Variants in TRIO observed in about 807,000 individuals in gnomAD.
The protein encoded by TRIO is triple functional domain protein.
A neutral mutation model predicts 351.9 loss-of-function variants in TRIO; 58 were observed. The observed-to-expected ratio is 0.16, with a 90% CI of 0.13 to 0.21. The LOEUF (loss-of-function observed/expected upper bound fraction) is 0.21, where lower values mean the gene tolerates loss of function less well. Ranked by LOEUF, TRIO falls within the 10% of genes least tolerant of loss-of-function variation. The pLI is 1.00. For synonymous variants in TRIO, 1,758 were observed against 1,595.7 expected (o/e 1.10, Z -2.42); for missense variants, 3,201 against 4,027.8 (o/e 0.79, Z 5.56).
Position 14,152,662 on chromosome 5 carries a change from G to A in TRIO, c.157+8780G>A, listed in dbSNP as rs556355494. 7.9e-5 allele frequency among the ~76,000 whole-genome samples: 12 copies of A among 152,304 alleles called. No individual in the cohort carries two copies. The East Asian group carries it at 1.2e-3, about 15-fold the overall frequency. ...TGGGATTACAGGCGTGAGCCACTGCGTCCGTATTTCACGCTTTTTAAGAGT... is the reference window on the plus strand; with the variant it reads ...TGGGATTACAGGCGTGAGCCACTGCATCCGTATTTCACGCTTTTTAAGAGT... On this transcript the variant is annotated intron_variant, in intron 1 of 56. Coordinates refer to ENST00000344204, the MANE Select transcript of TRIO (RefSeq NM_007118.4).
intron 21 of TRIO, among the ~76,000 whole-genome samples, chr5:14,383,095 G>T (rs1746254997): frequency 6.6e-6 from 1 of 152,180 alleles, no homozygotes. Flanking sequence ...GCTGAGGTGG[G>T]AGGATCGCTT....
chr5:14,186,266 A>G (rs553085373), intron 1 of TRIO, among the ~76,000 whole-genome samples: 9 of 152,304 alleles, frequency 5.9e-5, no homozygotes, highest in Admixed American at 5.9e-4. Flanking sequence ...ACTCTCAAAC[A>G]TATTCCTTTT....
At chr5:14,254,719 G>A (rs1273661067) in intron 1 of TRIO, among the ~76,000 whole-genome samples, 1 of 152,150 alleles carries the variant, frequency 6.6e-6, no homozygotes, top group Non-Finnish European at 1.5e-5. Context: ...GGCTTTGGTG[G>A]GCTCCTCTCG....
At chr5:14,465,768 G>A (rs1754209185) in intron 37 of TRIO, 128 bp downstream of exon 37, 1 of 985,128 alleles carries the variant, frequency 1.0e-6, no homozygotes, top group Non-Finnish European at 1.6e-6. Flanking sequence ...CACATCTCAG[G>A]AGTCCCCATG....
intron 34 of TRIO, among the ~76,000 whole-genome samples, chr5:14,432,573 A>G (rs1751252068): frequency 6.6e-6 from 1 of 152,220 alleles, no homozygotes; most frequent in South Asian, 2.1e-4. Context: ...TTCCAAATGC[A>G]TTCCACTGCC....
chr5:14,393,247 G>T (rs1018014042), intron 27 of TRIO, among the ~76,000 whole-genome samples: 1 of 151,362 alleles, frequency 6.6e-6, no homozygotes, highest in Admixed American at 6.6e-5. Context: ...CTGTCGGGGG[G>T]TGGGGGTCTA....
chr5:14,323,748 A>C (rs902868461), intron 9 of TRIO, among the ~76,000 whole-genome samples: 1 of 152,244 alleles, frequency 6.6e-6, no homozygotes, highest in Admixed American at 6.5e-5. Context: ...ACGCCAGAGC[A>C]CTAGGAAAGA....
intron 34 of TRIO, among the ~76,000 whole-genome samples, chr5:14,441,849 G>T (rs753857564): frequency 1.3e-5 from 2 of 152,208 alleles, no homozygotes; most frequent in Non-Finnish European, 2.9e-5. Flanking sequence ...GTTAGCTGGG[G>T]AGAGGGATGC....
intron 1 of TRIO, among the ~76,000 whole-genome samples, chr5:14,145,401 G>A (rs1447875584): frequency 1.3e-5 from 2 of 152,114 alleles, no homozygotes; most frequent in Admixed American, 1.3e-4. Flanking sequence ...GTTAGCTTGG[G>A]GTTAATCTAC....
At chr5:14,503,438 G>A (rs549147599) in intron 54 of TRIO, among the ~76,000 whole-genome samples, 1 of 152,258 alleles carries the variant, frequency 6.6e-6, no homozygotes, top group Admixed American at 6.5e-5. Flanking sequence ...CCTTCTTCCA[G>A]TGCAGTGGGC....
chr5:14,239,275 C>A (rs1402882861), intron 1 of TRIO, among the ~76,000 whole-genome samples: 1 of 152,054 alleles, frequency 6.6e-6, no homozygotes, highest in Non-Finnish European at 1.5e-5. Context: ...CCTCCCCTCC[C>A]CCCCATTCTT....
intron 34 of TRIO, among the ~76,000 whole-genome samples, chr5:14,449,185 A>G (rs563017644): frequency 1.3e-5 from 2 of 152,222 alleles, no homozygotes; most frequent in Admixed American, 1.3e-4. Flanking sequence ...CGAGCCATCA[A>G]TCTGAGTCTG....
In TRIO at chr5:14,462,953, C is replaced by A. The variant is rs766244093; in HGVS notation, c.5667+28C>A. Reference sequence around the variant, plus strand: ...AAAGGGGGATGAGGGCTGGGGAATCCATGCCTGCCGTGCAGGGGCAGGGCA... The same window carrying A: ...AAAGGGGGATGAGGGCTGGGGAATCAATGCCTGCCGTGCAGGGGCAGGGCA... On this transcript the variant is annotated intron_variant, in intron 36 of 56. Coordinates refer to ENST00000344204, the MANE Select transcript of TRIO (RefSeq NM_007118.4). 4.6e-6 allele frequency: 7 copies of A among 1,537,564 alleles called. No homozygotes were observed. The East Asian group carries it at 6.9e-5, about 15-fold the overall frequency.
intron 8 of TRIO, among the ~76,000 whole-genome samples, chr5:14,305,075 C>G (rs762382997): frequency 2.6e-5 from 4 of 152,170 alleles, no homozygotes; most frequent in Non-Finnish European, 5.9e-5. Context: ...TTTCTGCCAC[C>G]TTCTATGCCA....
At position 14,439,572 on chromosome 5, in the gene TRIO, A is replaced by C. The variant is rs1751861274; in HGVS notation, c.5203+19551A>C. Reference sequence around the variant, plus strand: ...AACTGAAACCTTAGAATGTCAATTAACTTGATTTCCTTTAGGTCATAATTT... The same window carrying C: ...AACTGAAACCTTAGAATGTCAATTACCTTGATTTCCTTTAGGTCATAATTT... On this transcript the variant is annotated intron_variant, in intron 34 of 56. Transcript: ENST00000344204. 2.6e-5 allele frequency among the ~76,000 whole-genome samples: 4 copies of C among 152,208 alleles called. No homozygotes were observed. The South Asian group carries it at 8.3e-4, about 32-fold the overall frequency.
At chr5:14,180,149 T>G (rs1789678548) in intron 1 of TRIO, among the ~76,000 whole-genome samples, 1 of 146,978 alleles carries the variant, frequency 6.8e-6, no homozygotes, top group Non-Finnish European at 1.5e-5. Context: ...AATATAGATG[T>G]GGTAAAGCCT....
intron 11 of TRIO, among the ~76,000 whole-genome samples, chr5:14,339,640 G>A (rs1284977001): frequency 6.6e-6 from 1 of 152,220 alleles, no homozygotes; most frequent in Non-Finnish European, 1.5e-5. Context: ...GGCCCAGTTA[G>A]GGAGGGCATA....
chr5:14,413,644 T>A (rs1190259511), intron 33 of TRIO, among the ~76,000 whole-genome samples: 1 of 152,240 alleles, frequency 6.6e-6, no homozygotes, highest in Non-Finnish European at 1.5e-5. Context: ...AAACTGAATG[T>A]CATCTTTGAT....
At chr5:14,410,708 C>T (rs1428677437) in intron 33 of TRIO, among the ~76,000 whole-genome samples, 1 of 152,090 alleles carries the variant, frequency 6.6e-6, no homozygotes, top group Non-Finnish European at 1.5e-5. Context: ...ATTCTGAAGG[C>T]AAAAGTTATC....
Sources: gnomAD v4.1 joint callset for allele counts (sites outside exome capture counted in the v4.1 genomes callset) on GRCh38, gnomAD v4.1.1 for gene constraint, MANE v1.5 for transcripts, NCBI Gene and HGNC (gene_info 2026-07-23, HGNC 2026-07-21) for gene names.